The following LEO1 variants were observed in gnomAD, a reference collection of about 807,000 sequenced individuals.
The protein encoded by LEO1 is RNA polymerase-associated protein LEO1.
A neutral mutation model predicts 80.4 loss-of-function variants in LEO1; 34 were observed. That is an observed-to-expected ratio of 0.42 (90% CI 0.32 to 0.56). The LOEUF is 0.56. Ranked by LOEUF, LEO1 falls within the 20% of genes least tolerant of loss-of-function variation. LEO1 has a pLI of 0.10. For synonymous variants in LEO1, 262 were observed against 274.9 expected (o/e 0.95, Z 0.46); for missense variants, 631 against 814.2 (o/e 0.77, Z 2.74).
At chr15:51,969,577 G>A (rs2057106170) in intron 1 of LEO1, among the ~76,000 whole-genome samples, 2 of 148,090 alleles carry the variant, frequency 1.4e-5, no homozygotes. Flanking sequence ...AAAGGCAGGA[G>A]AATCGCTTGA....
intron 6 of LEO1, among the ~76,000 whole-genome samples, chr15:51,956,317 G>A (rs2056988613): frequency 6.6e-6 from 1 of 151,950 alleles, no homozygotes; most frequent in Non-Finnish European, 1.5e-5. Flanking sequence ...CTACTCGGGA[G>A]GCTGAGGCTG....
At chr15:51,945,964 G>A (rs959981363) in intron 11 of LEO1, among the ~76,000 whole-genome samples, 2 of 151,372 alleles carry the variant, frequency 1.3e-5, no homozygotes, top group African/African-American at 2.4e-5. Context: ...AACCCAGGAG[G>A]CAGAGCTTGC....
chr15:51,962,621 ACTG>A, intron 2 of LEO1, 128 bp from the exon 3 acceptor site: 1 of 626,550 alleles, frequency 1.6e-6, no homozygotes, highest in Non-Finnish European at 2.8e-6. Flanking sequence ...AGAGGAATGA[ACTG>A]CTGATACATG....
rs935409541 is a variant in LEO1, at chr15:51,947,528, G to C, written c.1799-139C>G. The C allele has an allele frequency of 9.8e-6, 6 of 614,002 alleles. No individual in the cohort carries two copies. The African/African-American group carries it at 1.1e-4, about 11-fold the overall frequency. The allele number at this position is 614,002 out of a possible 1,614,324, so 38.0% of individuals were successfully genotyped here. ...CCTCCTGGGCTTAGGTGATCCTCCT[G>C]CCTCAGCCTCCCAAGTAGGTGGGAC... On this transcript the variant is annotated intron_variant, in intron 10 of 11. Transcript: ENST00000299601.
intron 1 of LEO1, among the ~76,000 whole-genome samples, chr15:51,967,526 A>C (rs1016763310): frequency 3.3e-5 from 5 of 152,240 alleles, no homozygotes; most frequent in African/African-American, 1.2e-4. Flanking sequence ...AAAAATATAG[A>C]TCTACACATC....
chr15:51,971,634 T>G lies in LEO1; in HGVS notation c.58+54A>C, dbSNP rs1455792789. 2.2e-5 allele frequency: 34 copies of G among 1,579,388 alleles called. No individual in the cohort carries two copies. In the East Asian group the frequency reaches 7.6e-4, roughly 35 times the overall value. ...GCTGGAGCCTCCACGGTTGTCCGGCTCCCACAGCGGAAGGCCTGCCACGCA... is the reference window on the plus strand; with the variant it reads ...GCTGGAGCCTCCACGGTTGTCCGGCGCCCACAGCGGAAGGCCTGCCACGCA... On this transcript the variant is annotated intron_variant, in intron 1 of 11. Coordinates refer to ENST00000299601, the MANE Select transcript of LEO1 (RefSeq NM_138792.4).
intron 3 of LEO1, among the ~76,000 whole-genome samples, chr15:51,961,445 T>A (rs1029134196): frequency 6.6e-6 from 1 of 152,042 alleles, no homozygotes. Context: ...CAGGCTGGAC[T>A]GCAGTGGTGC....
chr15:51,947,457 C>G, intron 10 of LEO1, 68 bp from the exon 11 acceptor site: 1 of 1,142,034 alleles, frequency 8.8e-7, no homozygotes, highest in Non-Finnish European at 1.3e-6. Context: ...GCTTTGAGGC[C>G]CAGGCTGGAG....
intron 9 of LEO1, among the ~76,000 whole-genome samples, chr15:51,950,734 G>A (rs180681904): frequency 3.9e-5 from 6 of 152,326 alleles, no homozygotes; most frequent in Admixed American, 6.5e-5. Context: ...GTATGTGGCT[G>A]TACGGAGGTT....
At chr15:51,948,633 T>C (rs2056921547) in intron 10 of LEO1, among the ~76,000 whole-genome samples, 1 of 152,226 alleles carries the variant, frequency 6.6e-6, no homozygotes, top group Non-Finnish European at 1.5e-5. Flanking sequence ...AAATGTATTA[T>C]ATTATGTAAT....
At chr15:51,967,094 G>A (rs1200783105) in intron 1 of LEO1, among the ~76,000 whole-genome samples, 1 of 152,140 alleles carries the variant, frequency 6.6e-6, no homozygotes, top group African/African-American at 2.4e-5. Context: ...ACGGAGTCTA[G>A]AAGATTTATG....
At chr15:51,959,758 G>T (rs1566885625) in intron 5 of LEO1, 141 bp downstream of exon 5, 1 of 672,574 alleles carries the variant, frequency 1.5e-6, no homozygotes, top group Non-Finnish European at 2.4e-6. Flanking sequence ...TCTATCTCAG[G>T]ATGTGCTTGA....
intron 9 of LEO1, 109 bp from the exon 10 acceptor site, chr15:51,950,103 G>A: frequency 2.1e-6 from 2 of 953,526 alleles, no homozygotes; most frequent in Non-Finnish European, 3.0e-6. Flanking sequence ...GATAACAGCT[G>A]TGCCGTGTGT....
At chr15:51,955,723 C>T (rs2056983971) in intron 6 of LEO1, among the ~76,000 whole-genome samples, 1 of 152,302 alleles carries the variant, frequency 6.6e-6, no homozygotes, top group African/African-American at 2.4e-5. Flanking sequence ...CACAGCTGCT[C>T]CCAGTCCCAC....
At chr15:51,944,942 T>C (rs72732952) in intron 11 of LEO1, among the ~76,000 whole-genome samples, 26,973 of 152,082 alleles carry the variant, frequency 0.18, 3,402 homozygotes, top group East Asian at 0.56. Flanking sequence ...CCAAAGCCTC[T>C]ACTCTCTCAG....
intron 3 of LEO1, 135 bp from the exon 4 acceptor site, chr15:51,960,868 C>T (rs911623868): frequency 5.0e-6 from 3 of 605,674 alleles, no homozygotes; most frequent in East Asian, 2.9e-5. Context: ...CTGAGCCTGG[C>T]TCTCAAAGAC....
intron 1 of LEO1, among the ~76,000 whole-genome samples, chr15:51,971,110 C>T (rs2057119315): frequency 6.6e-6 from 1 of 152,162 alleles, no homozygotes; most frequent in African/African-American, 2.4e-5. Context: ...TCACAGACTC[C>T]GGAAATTCTG....
At chr15:51,963,042 C>T (rs564483175) in intron 2 of LEO1, among the ~76,000 whole-genome samples, 2 of 151,798 alleles carry the variant, frequency 1.3e-5, no homozygotes, top group Admixed American at 6.6e-5. Context: ...TTTGAGAGGA[C>T]GAGGTGGGTG....
At chr15:51,943,639 G>A (rs1043398508) in intron 11 of LEO1, among the ~76,000 whole-genome samples, 6 of 151,878 alleles carry the variant, frequency 4.0e-5, no homozygotes, top group Non-Finnish European at 7.4e-5. Flanking sequence ...GATGGAGGTG[G>A]CAGGGAGCCG....
Sources: gnomAD v4.1 joint callset for allele counts (sites outside exome capture counted in the v4.1 genomes callset) on GRCh38, gnomAD v4.1.1 for gene constraint, MANE v1.5 for transcripts, NCBI Gene and HGNC (gene_info 2026-07-23, HGNC 2026-07-21) for gene names.